The following ZC3HAV1 variants were observed in gnomAD, a reference collection of about 807,000 sequenced individuals.
The protein encoded by ZC3HAV1 is zinc finger CCCH-type containing, antiviral 1, also known as zinc finger CCCH-type antiviral protein 1.
ZC3HAV1 carries 41 observed loss-of-function variants against 86.6 expected under a neutral mutation model. The ratio of observed to expected loss-of-function variants is 0.47; its 90% CI spans 0.37 to 0.61. The LOEUF is 0.61. Ranked by LOEUF, ZC3HAV1 falls within the 20% of genes least tolerant of loss-of-function variation. ZC3HAV1 has a pLI of 0.00. For synonymous variants in ZC3HAV1, 421 were observed against 432.1 expected (o/e 0.97, Z 0.32); for missense variants, 964 against 1,141.1 (o/e 0.84, Z 2.24).
Position 139,069,299 on chromosome 7 carries a change from A to G in ZC3HAV1, c.1873-4300T>C, listed in dbSNP as rs1428844039. On this transcript the variant is annotated intron_variant, in intron 7 of 12. Transcript: ENST00000242351. ...CAGCCGTCAATTATTTATTCCCCAC[A>G]AGACTTGAATTTATGTTTCAGTTGC... Among the ~76,000 whole-genome samples the G allele has an allele frequency of 2.0e-5, 3 of 152,182 alleles. No homozygotes were observed. The East Asian group carries it at 5.8e-4, about 29-fold the overall frequency.
At chr7:139,097,216 G>T (rs1584871301) in intron 1 of ZC3HAV1, among the ~76,000 whole-genome samples, 1 of 148,720 alleles carries the variant, frequency 6.7e-6, no homozygotes. Flanking sequence ...AGATTCTCAG[G>T]CCCCAACCCT....
chr7:139,100,301 G>A (rs1395906512), intron 1 of ZC3HAV1, among the ~76,000 whole-genome samples: 2 of 152,222 alleles, frequency 1.3e-5, no homozygotes, highest in East Asian at 1.9e-4. Context: ...GGAGGCCAAG[G>A]TGGGCAGATC....
chr7:139,070,903 A>C (rs1407347283), intron 7 of ZC3HAV1, among the ~76,000 whole-genome samples: 2 of 151,468 alleles, frequency 1.3e-5, no homozygotes, highest in Non-Finnish European at 2.9e-5. Flanking sequence ...AATTGCTTGA[A>C]CCTGGGAGGC....
At chr7:139,103,452 G>T (rs542348655) in intron 1 of ZC3HAV1, among the ~76,000 whole-genome samples, 3 of 151,918 alleles carry the variant, frequency 2.0e-5, no homozygotes, top group African/African-American at 7.2e-5. Flanking sequence ...AAAGCCTTCC[G>T]ACTGGCATAA....
chr7:139,076,915 G>C (rs371750085), intron 5 of ZC3HAV1, among the ~76,000 whole-genome samples: 1 of 151,146 alleles, frequency 6.6e-6, no homozygotes, highest in Admixed American at 6.6e-5. Flanking sequence ...AAAAAGAAAA[G>C]GAAACAAAAA....
rs1235048254 is a variant in ZC3HAV1, at chr7:139,055,282, T to G, written c.2110A>C (p.Lys704Gln). Residue 704 changes from lysine to glutamine, a missense_variant, in exon 10 of 13, where the codon AAG becomes CAG. Coordinates refer to ENST00000242351, the MANE Select transcript of ZC3HAV1 (RefSeq NM_020119.4). Reference protein sequence around the residue: ...MKRGPDHQPAKTSSVSLTATF... With the variant: ...MKRGPDHQPAQTSSVSLTATF... ...GCAGTTAAAGACACTGACGAGGTCT[T>G]TGCTGGCTGATGGCTACAAATAAAG... The G allele has an allele frequency of 6.2e-7, 1 of 1,612,920 alleles. No homozygotes were observed. The highest frequency in any genetic ancestry group is 1.7e-5 in the Admixed American group (1 of 59,932).
intron 3 of ZC3HAV1, among the ~76,000 whole-genome samples, chr7:139,082,693 G>A (rs1454921556): frequency 1.3e-5 from 2 of 152,068 alleles, no homozygotes; most frequent in Non-Finnish European, 2.9e-5. Flanking sequence ...TGAACCCTGA[G>A]GACATCATGC....
In ZC3HAV1 at chr7:139,052,466, G is replaced by A. The variant is rs141973233; in HGVS notation, c.2449+985C>T. Among the ~76,000 whole-genome samples, 800 of 151,082 alleles carry A rather than the reference G, an allele frequency of 5.3e-3. 4 individuals carry two copies. Among genetic ancestry groups the A allele is most frequent in the African/African-American group, 0.019 (760 of 41,080 alleles). ...ACTGAAAATACAAAATTAGCTGGGC[G>A]TGGTGGCACATGCCTGTAATCCCAG... is the stretch of plus-strand genomic sequence containing the variant. On this transcript the variant is annotated intron_variant, in intron 12 of 12. Coordinates refer to ENST00000242351, the MANE Select transcript of ZC3HAV1 (RefSeq NM_020119.4).
In ZC3HAV1 at chr7:139,061,106, G is replaced by T. The variant is rs776154187; in HGVS notation, c.2026C>A (p.Gln676Lys). 1 of 1,613,494 alleles carries T rather than the reference G, an allele frequency of 6.2e-7. No individual in the cohort carries two copies. Among genetic ancestry groups the T allele is most frequent in the Admixed American group, 1.7e-5 (1 of 59,962 alleles). The change falls in exon 9 of 13, where the codon CAA (glutamine) becomes AAA (lysine). Residue 676 changes from glutamine (Q) to lysine (K), a missense_variant. Coordinates refer to ENST00000242351, the MANE Select transcript of ZC3HAV1 (RefSeq NM_020119.4). Reference sequence around the variant, plus strand: ...GTTGGTCTTCTGATGACATCCTTTTGAGTTTTGGAAGCTATGTTTGTCTGA... The same window carrying T: ...GTTGGTCTTCTGATGACATCCTTTTTAGTTTTGGAAGCTATGTTTGTCTGA... ...MIQTNIASKT[Q>K]KDVIRRPTFV...
rs893110136 is a variant in ZC3HAV1, at chr7:139,047,285, C to T, written c.*309G>A. The stretch of plus-strand genomic sequence containing the variant: ...CAGAGGTTGCAGTGAGCCGAGATCG[C>T]GCCACTGCACTCCAGCCTGGACGAT... On this transcript the variant is annotated 3_prime_UTR_variant, in exon 13 of 13. Transcript: ENST00000242351. 8.7e-5 allele frequency: 25 copies of T among 288,272 alleles called. No individual in the cohort carries two copies. Among genetic ancestry groups the T allele is most frequent in the Non-Finnish European group, 1.1e-4 (17 of 156,084 alleles). 17.9% of individuals were successfully genotyped at this position (288,272 alleles called of 1,614,324 possible).
In ZC3HAV1 at chr7:139,047,260, C is replaced by A. The variant is rs1462320132; in HGVS notation, c.*334G>T. The A allele has an allele frequency of 2.3e-5, 6 of 260,456 alleles. No individual in the cohort carries two copies. The highest frequency in any genetic ancestry group is 3.6e-5 in the Non-Finnish European group (5 of 138,966). The allele number at this position is 260,456 out of a possible 1,614,324, so 16.1% of individuals were successfully genotyped here. A position where few individuals can be genotyped will look rare whatever the true frequency, so the allele number is the denominator to read the frequency against. ...AGGAGAATTGCTTGAACCCGGGAGG[C>A]AGAGGTTGCAGTGAGCCGAGATCGC... On this transcript the variant is annotated 3_prime_UTR_variant, in exon 13 of 13. Coordinates refer to ENST00000242351, the MANE Select transcript of ZC3HAV1 (RefSeq NM_020119.4).
At chr7:139,089,471 TG>T (rs1404427284) in intron 2 of ZC3HAV1, among the ~76,000 whole-genome samples, 152 bp downstream of exon 2, 1 of 152,202 alleles carries the variant, frequency 6.6e-6, no homozygotes, top group Non-Finnish European at 1.5e-5. Flanking sequence ...GAGAAATTTC[TG>T]GGATCTCTTA....
chr7:139,078,799 C>T (rs751398532), intron 4 of ZC3HAV1, 146 bp from the exon 5 acceptor site: 4 of 711,938 alleles, frequency 5.6e-6, no homozygotes, highest in Non-Finnish European at 6.7e-6. Context: ...CCATGAGCAT[C>T]TAGACAGCCC....
At chr7:139,077,838 C>T (rs1338029789) in intron 5 of ZC3HAV1, among the ~76,000 whole-genome samples, 1 of 152,192 alleles carries the variant, frequency 6.6e-6, no homozygotes, top group Non-Finnish European at 1.5e-5. Flanking sequence ...GGTTTAGACA[C>T]TGCAGGGACA....
Position 139,047,195 on chromosome 7 carries a change from A to C in ZC3HAV1, c.*399T>G. 4.5e-6 allele frequency: 1 copy of C among 224,172 alleles called. No individual in the cohort carries two copies. Among genetic ancestry groups the C allele is most frequent in the South Asian group, 5.5e-5 (1 of 18,176 alleles). 13.9% of individuals were successfully genotyped at this position (224,172 alleles called of 1,614,324 possible). On this transcript the variant is annotated 3_prime_UTR_variant, in exon 13 of 13. Coordinates refer to ENST00000242351, the MANE Select transcript of ZC3HAV1 (RefSeq NM_020119.4). ...ATACAAAAAATTAGCTGGGCGCGGCAGTGTGTGCCTGTAGTTCCAGCTACT... is the reference window on the plus strand; with the variant it reads ...ATACAAAAAATTAGCTGGGCGCGGCCGTGTGTGCCTGTAGTTCCAGCTACT...
At chr7:139,061,015 C>T in intron 9 of ZC3HAV1, 21 bp downstream of exon 9, 1 of 1,613,228 alleles carries the variant, frequency 6.2e-7, no homozygotes, top group South Asian at 1.1e-5. Flanking sequence ...TGTCAGCAAA[C>T]AGCTGCTTCA....
intron 1 of ZC3HAV1, among the ~76,000 whole-genome samples, chr7:139,100,368 C>A (rs1629729): frequency 1 from 151,673 of 151,676 alleles, 75,835 homozygotes; most frequent in Middle Eastern, 1. Flanking sequence ...TGTCTCTACC[C>A]AAAATACAAA....
chr7:139,108,631 C>T lies in ZC3HAV1; in HGVS notation c.308+393G>A, dbSNP rs1563144977. Among the ~76,000 whole-genome samples, 1 of 152,118 alleles carries T rather than the reference C, an allele frequency of 6.6e-6. No individual in the cohort carries two copies. The highest frequency in any genetic ancestry group is 1.5e-5 in the Non-Finnish European group (1 of 68,000). ...GAAGGAGGTAGTAGGGAGGGAAAGA[C>T]TCAAGATACCAAAGACGGGAGGCTC... On this transcript the variant is annotated intron_variant, in intron 1 of 12. Transcript: ENST00000242351. The surrounding 1 kb of genome is among the most constrained non-coding windows in gnomAD (Gnocchi z 4.2).
intron 7 of ZC3HAV1, among the ~76,000 whole-genome samples, chr7:139,069,805 C>G (rs755952091): frequency 6.6e-5 from 10 of 152,308 alleles, no homozygotes; most frequent in Middle Eastern, 6.8e-3. Context: ...TAGGGAGGTT[C>G]CAACCCACAA....
Sources: gnomAD v4.1 joint callset for allele counts (sites outside exome capture counted in the v4.1 genomes callset) on GRCh38, gnomAD v4.1.1 for gene constraint, Gnocchi (gnomAD v3.1) non-coding constraint, MANE v1.5 for transcripts, NCBI Gene and HGNC (gene_info 2026-07-23, HGNC 2026-07-21) for gene names.